The following PALM2AKAP2 variants were observed in gnomAD, a reference collection of about 807,000 sequenced individuals.
PALM2AKAP2 encodes the protein PALM2-AKAP2 fusion protein.
Under a neutral mutation model 71.5 loss-of-function variants are expected in PALM2AKAP2, and 37 were observed. That is an observed-to-expected ratio of 0.52 (90% confidence interval 0.40 to 0.68). The LOEUF is 0.68. Ranked by LOEUF, PALM2AKAP2 falls within the 30% of genes least tolerant of loss-of-function variation. The pLI, the probability that PALM2AKAP2 is intolerant of heterozygous loss-of-function variation, is 0.00. For missense variants in PALM2AKAP2, 1,224 were observed against 1,191.8 expected (o/e 1.03, Z -0.40); for synonymous variants, 468 against 478.8 (o/e 0.98, Z 0.29).
intron 6 of PALM2AKAP2, among the ~76,000 whole-genome samples, chr9:109,988,344 C>T (rs1157374918): frequency 6.6e-6 from 1 of 152,148 alleles, no homozygotes; most frequent in African/African-American, 2.4e-5. Flanking sequence ...TTGAAAACTC[C>T]ATTCTAACCA....
intron 6 of PALM2AKAP2, among the ~76,000 whole-genome samples, chr9:109,955,090 T>C (rs1201282926): frequency 6.6e-6 from 1 of 152,182 alleles, no homozygotes; most frequent in Non-Finnish European, 1.5e-5. Context: ...CTATTGGCAT[T>C]TGAGCATGTG....
intron 2 of PALM2AKAP2, among the ~76,000 whole-genome samples, chr9:110,142,001 T>A (rs1463165429): frequency 6.6e-6 from 1 of 152,140 alleles, no homozygotes; most frequent in Non-Finnish European, 1.5e-5. Context: ...GAAGTTCTGT[T>A]TTGAAAAGGA....
At chr9:109,701,602 A>C (rs1828058827) in intron 1 of PALM2AKAP2, among the ~76,000 whole-genome samples, 1 of 152,252 alleles carries the variant, frequency 6.6e-6, no homozygotes, top group Non-Finnish European at 1.5e-5. Flanking sequence ...TTCAAGATGG[A>C]TTGAAGACTT....
At chr9:109,964,883 C>T (rs1447625995) in intron 6 of PALM2AKAP2, among the ~76,000 whole-genome samples, 1 of 152,152 alleles carries the variant, frequency 6.6e-6, no homozygotes, top group African/African-American at 2.4e-5. Context: ...CATCCAGACA[C>T]TTAGAATCTA....
chr9:109,849,866 AT>A (rs1391889737), intron 1 of PALM2AKAP2, among the ~76,000 whole-genome samples: 1 of 152,126 alleles, frequency 6.6e-6, no homozygotes, highest in African/African-American at 2.4e-5. Context: ...TTCTTGCGCT[AT>A]TTTTTTAAAC....
chr9:109,952,172 G>T (rs961985612), intron 6 of PALM2AKAP2, among the ~76,000 whole-genome samples: 1 of 152,236 alleles, frequency 6.6e-6, no homozygotes, highest in Non-Finnish European at 1.5e-5. Flanking sequence ...TTAAATGAAT[G>T]AGTATGGCCA....
chr9:110,145,900 T>C (rs935100871), intron 2 of PALM2AKAP2, among the ~76,000 whole-genome samples: 2 of 127,372 alleles, frequency 1.6e-5, no homozygotes, highest in African/African-American at 3.0e-5. Context: ...TCTTTTTTTT[T>C]TTTTTTTTTT....
intron 1 of PALM2AKAP2, among the ~76,000 whole-genome samples, chr9:110,083,199 A>G (rs1019779561): frequency 2.6e-5 from 4 of 152,070 alleles, no homozygotes; most frequent in African/African-American, 7.2e-5. Context: ...CACTTCCCCC[A>G]GCCCCTAGCA....
intron 1 of PALM2AKAP2, among the ~76,000 whole-genome samples, chr9:109,788,981 T>C (rs1212733985): frequency 6.6e-6 from 1 of 152,216 alleles, no homozygotes; most frequent in Non-Finnish European, 1.5e-5. Context: ...GAAGAGGTCT[T>C]TGCTTATCTC....
intron 1 of PALM2AKAP2, among the ~76,000 whole-genome samples, chr9:109,711,692 A>T (rs188940941): frequency 6.6e-6 from 1 of 152,314 alleles, no homozygotes; most frequent in East Asian, 1.9e-4. Flanking sequence ...CTCCCTGTGA[A>T]AGTCGCCTTA....
chr9:110,082,985 T>C (rs1393201779), intron 1 of PALM2AKAP2, among the ~76,000 whole-genome samples: 1 of 151,916 alleles, frequency 6.6e-6, no homozygotes, highest in Non-Finnish European at 1.5e-5. Context: ...CTACTAAAAA[T>C]ACAAAATTAG....
chr9:109,646,470 C>T (rs181373422), intron 1 of PALM2AKAP2, among the ~76,000 whole-genome samples: 1 of 152,322 alleles, frequency 6.6e-6, no homozygotes, highest in East Asian at 1.9e-4. Context: ...TGGCATTCCC[C>T]ATCACCAGTC....
At chr9:109,665,087 A>G (rs1827460487) in intron 1 of PALM2AKAP2, among the ~76,000 whole-genome samples, 1 of 152,090 alleles carries the variant, frequency 6.6e-6, no homozygotes, top group Non-Finnish European at 1.5e-5. Context: ...CGTTCATCTA[A>G]TCTTTTTTCA....
chr9:110,105,687 T>A (rs1469040675), intron 1 of PALM2AKAP2, among the ~76,000 whole-genome samples: 1 of 152,214 alleles, frequency 6.6e-6, no homozygotes, highest in Non-Finnish European at 1.5e-5. Context: ...AGTACCACTA[T>A]TTTTCATTGC....
chr9:109,653,361 T>C (rs1477083422), intron 1 of PALM2AKAP2, among the ~76,000 whole-genome samples: 1 of 152,228 alleles, frequency 6.6e-6, no homozygotes, highest in Admixed American at 6.5e-5. Context: ...TCACGTTTGC[T>C]GAGATCACAT....
chr9:109,911,050 C>A (rs550664702), intron 3 of PALM2AKAP2, among the ~76,000 whole-genome samples: 9 of 152,072 alleles, frequency 5.9e-5, no homozygotes, highest in Non-Finnish European at 1.3e-4. Context: ...GGGTATCCTC[C>A]CAGATCAGTC....
intron 7 of PALM2AKAP2, among the ~76,000 whole-genome samples, chr9:110,017,934 G>A (rs992354597): frequency 6.6e-6 from 1 of 151,992 alleles, no homozygotes; most frequent in Non-Finnish European, 1.5e-5. Context: ...CACCATGTTG[G>A]CCAGGTTGGT....
rs1184403919 is a variant in PALM2AKAP2 at position 109,691,881 on chromosome 9, CATATATATATATATATATAT to C, written c.5+51017_5+51036del. Reference sequence around the variant, plus strand: ...ATATATATATATACACACACACACACATATATATATATATATATATACACACACACATATATATATATACA... The same window carrying C: ...ATATATATATATACACACACACACACACACACACACATATATATATATACA... On this transcript the variant is annotated intron_variant, in intron 1 of 6. Coordinates refer to the PALM2AKAP2 transcript ENST00000374531. Among the ~76,000 whole-genome samples the C allele has an allele frequency of 7.7e-4, 36 of 46,506 alleles. 1 individual carries two copies. Among genetic ancestry groups the C allele is most frequent in the African/African-American group, 1.9e-3 (29 of 14,882 alleles). 30.5% of individuals were successfully genotyped at this position (46,506 alleles called of 152,430 possible).
rs552088479 is a variant in PALM2AKAP2, at chr9:109,764,683, T to C, written c.6-15805T>C. 2.0e-3 allele frequency among the ~76,000 whole-genome samples: 309 copies of C among 152,192 alleles called. 2 individuals are homozygous for C. The highest frequency in any genetic ancestry group is 7.1e-3 in the African/African-American group (296 of 41,498). On this transcript the variant is annotated intron_variant, in intron 1 of 6. Coordinates refer to the PALM2AKAP2 transcript ENST00000374531. ...TGCCTCACCGATGCCAGTGCAGTAG[T>C]GGAAGGTGTTGAATGATGAATGACT...
Sources: allele counts gnomAD v4.1 joint callset (sites outside exome capture counted in the v4.1 genomes callset), GRCh38; gene constraint gnomAD v4.1.1; transcripts MANE v1.5; gene names NCBI Gene and HGNC (gene_info 2026-07-23, HGNC 2026-07-21).